MCRS1: variants seen among roughly 807,000 people sequenced by gnomAD.
The protein encoded by MCRS1 is microspherule protein 1.
In MCRS1, 22 loss-of-function variants were observed where a neutral mutation model predicts 62.9. That is an observed-to-expected ratio of 0.35 (90% CI 0.25 to 0.50). The LOEUF is 0.50. MCRS1 is among the 20% of genes least tolerant of loss of function. The probability of loss-of-function intolerance (pLI) is 0.98; values close to 1 mark genes in which losing one functional copy is unlikely to be tolerated. For synonymous variants in MCRS1, 244 were observed against 233.5 expected, an observed-to-expected ratio of 1.04 and a Z score of -0.41; for missense variants, 456 against 601.1, an observed-to-expected ratio of 0.76 and a Z score of 2.52.
intron 5 of MCRS1, 65 bp downstream of exon 5, chr12:49,564,672 A>C (rs1300771370): frequency 1.2e-6 from 2 of 1,603,936 alleles, no homozygotes; most frequent in Non-Finnish European, 1.7e-6. Context: ...CTGTTGGGCT[A>C]ATTTTGGGGT....
At chr12:49,562,889 A>G in intron 8 of MCRS1, 112 bp downstream of exon 8, 1 of 1,347,414 alleles carries the variant, frequency 7.4e-7, no homozygotes, top group Non-Finnish European at 9.9e-7. Flanking sequence ...GACACTGGGG[A>G]TCACTGAGGA....
In MCRS1 at chr12:49,558,633, C is replaced by G; in HGVS notation, c.*10G>C. ...GGCCGGAGAGGGCCCACGAGTCCTG[C>G]CACCACTCCTCACTGTGGTGTGATC... On this transcript the variant is annotated 3_prime_UTR_variant, in exon 15 of 15. Transcript: ENST00000343810. 1 of 1,611,024 alleles carries G rather than the reference C, an allele frequency of 6.2e-7. No individual in the cohort carries two copies. The highest frequency in any genetic ancestry group is 2.2e-5 in the East Asian group (1 of 44,836).
Position 49,558,424 on chromosome 12 carries a change from A to C in MCRS1, c.*219T>G. On this transcript the variant is annotated 3_prime_UTR_variant, in exon 15 of 15. Coordinates refer to ENST00000343810, the MANE Select transcript of MCRS1 (RefSeq NM_006337.5). ...GGTAGGGTTGTTTTTAGAGAGAGGA[A>C]GATGGGGAGGGGCTCTGGATCTAGG... is the stretch of plus-strand genomic sequence containing the variant. The C allele has an allele frequency of 1.8e-6, 1 of 567,686 alleles. No homozygotes were observed. The highest frequency in any genetic ancestry group is 3.1e-6 in the Non-Finnish European group (1 of 323,200). The allele number at this position is 567,686 out of a possible 1,614,324, so 35.2% of individuals were successfully genotyped here.
At position 49,558,900 on chromosome 12, in the gene MCRS1, A is replaced by G; in HGVS notation, c.1245T>C (p.Asp415=). The stretch of plus-strand genomic sequence containing the variant: ...TGGAGCCACAGAGCACCGGCCGTCC[A>G]TCGATGTAGATGGGCCGTCGACCCT... ...ANEGRRPIYI[D]GRPVLCGSKW... Residue 415 remains aspartate, a synonymous_variant, in exon 14 of 15, where the codon GAT becomes GAC. Coordinates refer to ENST00000343810, the MANE Select transcript of MCRS1 (RefSeq NM_006337.5). 6.2e-7 allele frequency: 1 copy of G among 1,613,190 alleles called. No homozygotes were observed. The highest frequency in any genetic ancestry group is 1.3e-5 in the African/African-American group (1 of 75,052).
intron 3 of MCRS1, 41 bp from the exon 4 acceptor site, chr12:49,565,708 C>A: frequency 1.2e-6 from 2 of 1,613,912 alleles, no homozygotes; most frequent in Non-Finnish European, 1.7e-6. Context: ...TTACCCCACC[C>A]TGGTACCCAT....
At chr12:49,560,235 C>G (rs1283748650) in intron 9 of MCRS1, 60 bp downstream of exon 9, 7 of 1,570,558 alleles carry the variant, frequency 4.5e-6, no homozygotes, top group Non-Finnish European at 6.1e-6. Context: ...GCCTGGGGCG[C>G]TCTACCTGAC....
At position 49,566,989 on chromosome 12, in the gene MCRS1, T is replaced by C. The variant is rs573518443; in HGVS notation, c.-110-148A>G. On this transcript the variant is annotated intron_variant, in intron 1 of 14. Transcript: ENST00000343810. ...GCATAAGGCCCCACTCTGCCAATAATAGCCTTAGACATCAGTCTTGTGAAG... is the reference window on the plus strand; with the variant it reads ...GCATAAGGCCCCACTCTGCCAATAACAGCCTTAGACATCAGTCTTGTGAAG... The C allele has an allele frequency of 1.8e-5, 10 of 557,248 alleles. No homozygotes were observed. In the East Asian group the frequency reaches 3.1e-4, roughly 17 times the overall value. The allele number at this position is 557,248 out of a possible 1,614,324, so 34.5% of individuals were successfully genotyped here.
chr12:49,566,455 G>C, intron 2 of MCRS1: 1 of 1,566,904 alleles, frequency 6.4e-7, no homozygotes, highest in Non-Finnish European at 8.7e-7. Context: ...GCAGCACATG[G>C]TGCTCAGGTC....
intron 7 of MCRS1, 89 bp downstream of exon 7, chr12:49,563,345 CAGTG>C: frequency 7.2e-7 from 1 of 1,388,640 alleles, no homozygotes; most frequent in Admixed American, 1.9e-5. Context: ...CATATCCAGA[CAGTG>C]GGTGGGGAGC....
Position 49,558,327 on chromosome 12 carries a change from C to T in MCRS1, c.*316G>A, listed in dbSNP as rs1490159463. 7.4e-6 allele frequency: 3 copies of T among 403,222 alleles called. No homozygotes were observed. Among genetic ancestry groups the T allele is most frequent in the Non-Finnish European group, 1.3e-5 (3 of 229,768 alleles). 25.0% of individuals were successfully genotyped at this position (403,222 alleles called of 1,614,324 possible). On this transcript the variant is annotated 3_prime_UTR_variant, in exon 15 of 15. Transcript: ENST00000343810. ...TTTGGAACCTGGTGCTTTTTATTTA[C>T]AAAAGAAAAACAATAAAAGAAGAGT...
chr12:49,559,590 AG>A lies in MCRS1; in HGVS notation c.1004-56del. 2.5e-6 allele frequency: 4 copies of A among 1,599,938 alleles called. No homozygotes were observed. The highest frequency in any genetic ancestry group is 3.4e-6 in the Non-Finnish European group (4 of 1,173,088). On this transcript the variant is annotated intron_variant, in intron 11 of 14. Transcript: ENST00000343810. This position sits in a 1 kb window ranked among gnomAD's most constrained non-coding sequence, Gnocchi z 5.2. Reference sequence around the variant, plus strand: ...ACCCCTGAGGGCCAGAATGCAAGGCAGGGAACCAGGGCAAGGTTTATAAGGG... The same window carrying A: ...ACCCCTGAGGGCCAGAATGCAAGGCAGGAACCAGGGCAAGGTTTATAAGGG...
At chr12:49,561,603 A>C (rs1938772304) in intron 8 of MCRS1, among the ~76,000 whole-genome samples, 1 of 152,260 alleles carries the variant, frequency 6.6e-6, no homozygotes, top group South Asian at 2.1e-4. Context: ...TTTAGTTAAC[A>C]AATAAATTTA....
intron 9 of MCRS1, 77 bp downstream of exon 9, chr12:49,560,218 C>T: frequency 1.3e-6 from 2 of 1,496,270 alleles, no homozygotes; most frequent in East Asian, 2.3e-5. Flanking sequence ...AGGGCTGGGG[C>T]TGGGCAGCCT....
intron 4 of MCRS1, 166 bp downstream of exon 4, chr12:49,565,363 A>G (rs116159158): frequency 1.0e-6 from 1 of 985,190 alleles, no homozygotes; most frequent in South Asian, 4.7e-5. Context: ...AGAAATGGGG[A>G]GTAGGGAGAG....
chr12:49,563,523 T>G lies in MCRS1; in HGVS notation c.581A>C (p.Gln194Pro). 6.2e-7 allele frequency: 1 copy of G among 1,611,110 alleles called. No homozygotes were observed. The highest frequency in any genetic ancestry group is 8.5e-7 in the Non-Finnish European group (1 of 1,179,164). ...GGCTGCAATAGCCTCTGGGTGCAGC[T>G]GCCTCATGGCCTGACAGGCCAACCT... ...ISKLACQAMR[Q>P]LHPEAIAAIQ... Residue 194 changes from glutamine to proline, a missense_variant, in exon 7 of 15, where the codon CAG (glutamine) becomes CCG (proline). Physicochemically the swap from Gln to Pro is moderately conservative, Grantham distance 76. This residue lies in a region of MCRS1 where 393 missense variants were observed against 523.5 expected (regional missense o/e 0.75). Transcript: ENST00000343810.
chr12:49,566,491 C>T, intron 2 of MCRS1: 2 of 1,548,152 alleles, frequency 1.3e-6, no homozygotes, highest in Non-Finnish European at 1.7e-6. Context: ...ACACGCTGGG[C>T]TCTGGGCATA....
rs1938656919 is a variant in MCRS1 at position 49,559,733 on chromosome 12, G to T, written c.999C>A (p.Ile333=). ...LHKWQVLVDS[I]TGMSSPDFDN... is the part of the protein sequence containing the mutation. ...CTGGTGCCCAGGCCTCCTCACCTGTGATGCTGTCCACTAGCACCTGCCACT... is the reference window on the plus strand; with the variant it reads ...CTGGTGCCCAGGCCTCCTCACCTGTTATGCTGTCCACTAGCACCTGCCACT... The change falls in exon 11 of 15, where the codon ATC becomes ATA. Residue 333 remains isoleucine, a synonymous_variant. Coordinates refer to ENST00000343810, the MANE Select transcript of MCRS1 (RefSeq NM_006337.5). The surrounding 1 kb of genome is among the most constrained non-coding windows in gnomAD (Gnocchi z 5.2). 2.0e-5 allele frequency: 32 copies of T among 1,614,056 alleles called. No homozygotes were observed. In the East Asian group the frequency reaches 7.1e-4, roughly 36 times the overall value.
chr12:49,563,680 T>G, intron 6 of MCRS1, 134 bp from the exon 7 acceptor site: 1 of 647,914 alleles, frequency 1.5e-6, no homozygotes. Context: ...AGGAAGGGCC[T>G]AAGGCTTAGC....
rs1279458980 is a variant in MCRS1, at chr12:49,559,592, G to T, written c.1004-57C>A. On this transcript the variant is annotated intron_variant, in intron 11 of 14. Transcript: ENST00000343810. This position sits in a 1 kb window ranked among gnomAD's most constrained non-coding sequence, Gnocchi z 5.2. ...CCCTGAGGGCCAGAATGCAAGGCAG[G>T]GAACCAGGGCAAGGTTTATAAGGGA... The T allele has an allele frequency of 6.2e-7, 1 of 1,600,670 alleles. No individual in the cohort carries two copies. The highest frequency in any genetic ancestry group is 2.2e-5 in the East Asian group (1 of 44,844).
Sources: gnomAD v4.1 joint callset for allele counts (sites outside exome capture counted in the v4.1 genomes callset) on GRCh38, gnomAD v4.1.1 for gene constraint, gnomAD v4.1.1 regional missense constraint, Gnocchi (gnomAD v3.1) non-coding constraint, MANE v1.5 for transcripts, NCBI Gene and HGNC (gene_info 2026-07-23, HGNC 2026-07-21) for gene names.